Variants in ADCY9 observed in about 807,000 individuals in gnomAD.
ADCY9 encodes adenylate cyclase 9.
A neutral mutation model predicts 101.5 loss-of-function variants in ADCY9; 50 were observed. The ratio of observed to expected loss-of-function variants is 0.49; its 90% confidence interval spans 0.39 to 0.62. The LOEUF is 0.62. Ranked by LOEUF, ADCY9 falls within the 20% of genes least tolerant of loss-of-function variation. The pLI, the probability that ADCY9 is intolerant of heterozygous loss-of-function variation, is 0.00. For missense variants in ADCY9, 1,662 were observed against 1,800.4 expected, an observed-to-expected ratio of 0.92 and a Z score of 1.39; for synonymous variants, 905 against 769.3, an observed-to-expected ratio of 1.18 and a Z score of -2.92.
intron 2 of ADCY9, among the ~76,000 whole-genome samples, chr16:4,069,024 A>G (rs2056817370): frequency 6.6e-6 from 1 of 152,150 alleles, no homozygotes; most frequent in African/African-American, 2.4e-5. Flanking sequence ...GTACTTGTGC[A>G]AATATTGCCA....
intron 7 of ADCY9, among the ~76,000 whole-genome samples, chr16:3,980,805 C>A (rs1015955800): frequency 1.3e-5 from 2 of 152,190 alleles, no homozygotes; most frequent in African/African-American, 4.8e-5. Flanking sequence ...ACAGAGGGAA[C>A]CAAGTTCCCA....
intron 2 of ADCY9, among the ~76,000 whole-genome samples, chr16:4,110,983 C>T (rs548127358): frequency 3.3e-3 from 501 of 152,316 alleles, no homozygotes; most frequent in Middle Eastern, 0.01. Context: ...TCCTGCTCCA[C>T]GATCACGGAT....
chr16:3,987,566 C>T (rs1006808610), intron 6 of ADCY9, among the ~76,000 whole-genome samples: 3 of 152,222 alleles, frequency 2.0e-5, no homozygotes, highest in Non-Finnish European at 2.9e-5. Flanking sequence ...TTTTGCCTTA[C>T]GGGCCACCAA....
downstream of ADCY9, among the ~76,000 whole-genome samples, chr16:3,959,570 A>G (rs1263606897): frequency 6.6e-6 from 1 of 152,196 alleles, no homozygotes; most frequent in Non-Finnish European, 1.5e-5. Flanking sequence ...AGGGCATTAT[A>G]TGGCACACAG....
intron 2 of ADCY9, among the ~76,000 whole-genome samples, chr16:4,018,827 C>A (rs2056455668): frequency 6.6e-6 from 1 of 152,118 alleles, no homozygotes; most frequent in East Asian, 1.9e-4. Flanking sequence ...AACCCAAAAA[C>A]CTCCATTTTC....
At chr16:4,071,147 T>C (rs1260565753) in intron 2 of ADCY9, among the ~76,000 whole-genome samples, 1 of 147,104 alleles carries the variant, frequency 6.8e-6, no homozygotes, top group African/African-American at 2.6e-5. Context: ...CTGGCCAATA[T>C]GGTAATATCC....
chr16:4,054,610 A>G (rs1289090327), intron 2 of ADCY9, among the ~76,000 whole-genome samples: 5 of 151,100 alleles, frequency 3.3e-5, no homozygotes, highest in South Asian at 2.1e-4. Context: ...TCGCTCTGTC[A>G]CCCAGGCTGG....
At chr16:4,024,007 G>T (rs2056496271) in intron 2 of ADCY9, among the ~76,000 whole-genome samples, 1 of 152,044 alleles carries the variant, frequency 6.6e-6, no homozygotes, top group African/African-American at 2.4e-5. Context: ...TTCTTATTTT[G>T]CATTTTAATT....
rs750737772 is a variant in ADCY9 at position 4,041,919 on chromosome 16, GTTTTTT to G, written c.1694-34367_1694-34362del. ...GGGATGTGCCACTGCCCCCAGCTAA[GTTTTTT>G]TTTTTTTTTTTTTTTTGAGACGGAG... On this transcript the variant is annotated intron_variant, in intron 2 of 10. Coordinates refer to ENST00000294016, the MANE Select transcript of ADCY9 (RefSeq NM_001116.4). 4.0e-5 allele frequency among the ~76,000 whole-genome samples: 4 copies of G among 100,644 alleles called. No homozygotes were observed. In the East Asian group the frequency reaches 9.0e-4, roughly 23 times the overall value. 66.0% of individuals were successfully genotyped at this position (100,644 alleles called of 152,430 possible). A position where few individuals can be genotyped will look rare whatever the true frequency, so the allele number is the denominator to read the frequency against.
chr16:3,968,373 C>G (rs2056018099), intron 10 of ADCY9, among the ~76,000 whole-genome samples: 1 of 151,610 alleles, frequency 6.6e-6, no homozygotes, highest in African/African-American at 2.4e-5. Context: ...CTCAGGTGAT[C>G]CGCCCACCTC....
At chr16:4,105,794 C>G (rs892321787) in intron 2 of ADCY9, among the ~76,000 whole-genome samples, 1 of 151,874 alleles carries the variant, frequency 6.6e-6, no homozygotes, top group Non-Finnish European at 1.5e-5. Flanking sequence ...CTGCAGTGAA[C>G]TGTGACTGCA....
intron 2 of ADCY9, among the ~76,000 whole-genome samples, chr16:4,046,991 C>T (rs1033532453): frequency 5.9e-5 from 9 of 151,912 alleles, no homozygotes; most frequent in Non-Finnish European, 1.3e-4. Flanking sequence ...GCCTGGTCAA[C>T]AGAGCAAGAC....
At chr16:4,072,984 T>G in intron 2 of ADCY9, among the ~76,000 whole-genome samples, 1 of 72,874 alleles carries the variant, frequency 1.4e-5, no homozygotes, top group Non-Finnish European at 2.7e-5. Flanking sequence ...CAAACCTTCA[T>G]ATCCTAAAAG....
At chr16:4,097,614 C>T (rs2057016872) in intron 2 of ADCY9, among the ~76,000 whole-genome samples, 1 of 132,926 alleles carries the variant, frequency 7.5e-6, no homozygotes, top group Admixed American at 8.7e-5. Flanking sequence ...AGTGCAGGGG[C>T]GCAATCTCAG....
chr16:3,983,396 G>A lies in ADCY9; in HGVS notation c.2355C>T (p.Phe785=), dbSNP rs1240689341. The A allele has an allele frequency of 3.1e-6, 5 of 1,608,302 alleles. No homozygotes were observed. Among genetic ancestry groups the A allele is most frequent in the Non-Finnish European group, 4.2e-6 (5 of 1,177,016 alleles). Reference sequence around the variant, plus strand: ...ACAGAAACACATCCAGGAGGGAGCTGAAGGTGGGACTAGCAAACGTCTTCA... The same window carrying A: ...ACAGAAACACATCCAGGAGGGAGCTAAAGGTGGGACTAGCAAACGTCTTCA... ...SPVKTFASPT[F]SSLLDVFLST... The change falls in exon 7 of 11, where the codon TTC becomes TTT. Residue 785 remains phenylalanine, a synonymous_variant. Transcript: ENST00000294016.
rs151267348 is a variant in ADCY9, at chr16:3,992,560, T to C, written c.1990-197A>G. Among the ~76,000 whole-genome samples, 498 of 152,250 alleles carry C rather than the reference T, an allele frequency of 3.3e-3. 4 individuals are homozygous for C. Among genetic ancestry groups the C allele is most frequent in the African/African-American group, 0.011 (475 of 41,556 alleles). On this transcript the variant is annotated intron_variant, in intron 4 of 10. Transcript: ENST00000294016. The surrounding 1 kb of genome is among the most constrained non-coding windows in gnomAD (Gnocchi z 4.2). Reference sequence around the variant, plus strand: ...CCAGCCCTGACTGCCCGTCTGCTCCTTCCTGTTACCCAACAGTGCCCAGTG... The same window carrying C: ...CCAGCCCTGACTGCCCGTCTGCTCCCTCCTGTTACCCAACAGTGCCCAGTG...
rs1458574496 is a variant in ADCY9 at position 4,115,542 on chromosome 16, G to C, written c.-43-57C>G. The C allele has an allele frequency of 7.2e-7, 1 of 1,381,250 alleles. No homozygotes were observed. The highest frequency in any genetic ancestry group is 9.6e-7 in the Non-Finnish European group (1 of 1,045,606). 85.6% of individuals were successfully genotyped at this position (1,381,250 alleles called of 1,614,324 possible). ...TCCCACCTAGGCATGCACGCCTAGA[G>C]GCCCGGGACCTGCTCCTGTCCTAAG... On this transcript the variant is annotated intron_variant, in intron 1 of 10. Transcript: ENST00000294016. This position sits in a 1 kb window ranked among gnomAD's most constrained non-coding sequence, Gnocchi z 6.2.
At chr16:4,095,598 T>C (rs1222952010) in intron 2 of ADCY9, among the ~76,000 whole-genome samples, 1 of 152,190 alleles carries the variant, frequency 6.6e-6, no homozygotes, top group Non-Finnish European at 1.5e-5. Context: ...ACATGGGAAC[T>C]GAAGCACATT....
chr16:4,032,738 T>C (rs1312236566), intron 2 of ADCY9: 2 of 152,258 alleles, frequency 1.3e-5, no homozygotes, highest in Non-Finnish European at 2.9e-5. Flanking sequence ...CTTGAACTCC[T>C]GACCTCAAGT....
Sources: allele counts gnomAD v4.1 joint callset (sites outside exome capture counted in the v4.1 genomes callset), GRCh38; gene constraint gnomAD v4.1.1; non-coding constraint Gnocchi (gnomAD v3.1); transcripts MANE v1.5; gene names NCBI Gene and HGNC (gene_info 2026-07-23, HGNC 2026-07-21).